The following KLHL4 variants were observed in gnomAD, a reference collection of about 807,000 sequenced individuals.
KLHL4 encodes kelch like family member 4.
A neutral mutation model predicts 45.8 loss-of-function variants in KLHL4; 17 were observed. The ratio of observed to expected loss-of-function variants is 0.37; its 90% confidence interval spans 0.25 to 0.56. The LOEUF (loss-of-function observed/expected upper bound fraction) is 0.56. Among genes scored for constraint, KLHL4 ranks in the 20% least tolerant of loss-of-function variants. The probability of loss-of-function intolerance (pLI) is 0.79; values close to 1 mark genes in which losing one functional copy is unlikely to be tolerated. For missense variants in KLHL4, 544 were observed against 544.9 expected (o/e 1.00, Z 0.02); for synonymous variants, 224 against 189.9 (o/e 1.18, Z -1.47).
At chrX:87,558,927 TA>T (rs1932037664) in intron 1 of KLHL4, among the ~76,000 whole-genome samples, 1 of 112,148 alleles carries the variant, frequency 8.9e-6, no homozygotes, top group Non-Finnish European at 1.9e-5. Flanking sequence ...AATAGGGTAA[TA>T]AAAACTTTAA....
At chrX:87,562,300 G>A (rs1932115252) in intron 1 of KLHL4, among the ~76,000 whole-genome samples, 1 of 109,842 alleles carries the variant, frequency 9.1e-6, no homozygotes, top group Admixed American at 9.8e-5. Context: ...AAATCAACAA[G>A]CAAACTCTTA....
chrX:87,563,345 C>T (rs1012410537), intron 1 of KLHL4, among the ~76,000 whole-genome samples: 3 of 109,535 alleles, frequency 2.7e-5, no homozygotes, highest in Admixed American at 2.0e-4. Flanking sequence ...TGTGACCTTT[C>T]GGAGAGATAG....
At chrX:87,541,958 C>A (rs1341550533) in intron 1 of KLHL4, among the ~76,000 whole-genome samples, 4 of 111,954 alleles carry the variant, frequency 3.6e-5, no homozygotes, top group South Asian at 3.7e-4. Context: ...ATGCGGAACT[C>A]ATTGGGAACT....
intron 6 of KLHL4, 39 bp downstream of exon 6, chrX:87,625,835 C>T: frequency 1.9e-6 from 2 of 1,034,482 alleles, no homozygotes; most frequent in Non-Finnish European, 2.7e-6. Context: ...AAAAAAGATA[C>T]ATTCTTAACA....
intron 4 of KLHL4, among the ~76,000 whole-genome samples, chrX:87,618,587 G>A (rs1008402281): frequency 9.0e-6 from 1 of 111,459 alleles, no homozygotes; most frequent in African/African-American, 3.3e-5. Context: ...TGCAACCTCC[G>A]CCTCCTGGGT....
rs1410226663 is a variant in KLHL4, at chrX:87,569,833, G to C, written c.423-44044G>C. ...GAAGGATAGGGAGAGAGATGAAGGA[G>C]GAGTAACTGTTTATTGGTTATGGAG... On this transcript the variant is annotated intron_variant, in intron 1 of 10. Coordinates refer to ENST00000373119, the MANE Select transcript of KLHL4 (RefSeq NM_019117.5). 1.8e-4 allele frequency among the ~76,000 whole-genome samples: 20 copies of C among 111,448 alleles called. No individual in the cohort carries two copies. The Admixed American group carries it at 1.9e-3, about 11-fold the overall frequency.
chrX:87,545,023 C>A (rs1033613717), intron 1 of KLHL4, among the ~76,000 whole-genome samples: 1 of 112,052 alleles, frequency 8.9e-6, no homozygotes, highest in Non-Finnish European at 1.9e-5. Context: ...TTCAAAATAG[C>A]TGTGTTGATG....
At chrX:87,611,933 CAT>C (rs1375450133) in intron 1 of KLHL4, among the ~76,000 whole-genome samples, 1 of 110,418 alleles carries the variant, frequency 9.1e-6, no homozygotes, top group African/African-American at 3.3e-5. Context: ...TAACAATTAG[CAT>C]AGAGTTTAAC....
chrX:87,542,915 C>A (rs961962083), intron 1 of KLHL4, among the ~76,000 whole-genome samples: 1 of 111,735 alleles, frequency 8.9e-6, no homozygotes, highest in African/African-American at 3.3e-5. Flanking sequence ...CCATCCAAAT[C>A]TCATCTGGAA....
At chrX:87,572,822 T>TAAAAAAA (rs369143265) in intron 1 of KLHL4, among the ~76,000 whole-genome samples, 1 of 98,005 alleles carries the variant, frequency 1.0e-5, no homozygotes, top group Non-Finnish European at 2.1e-5. Context: ...AAGGAAAACT[T>TAAAAAAA]AAAAAAAAAA....
intron 3 of KLHL4, among the ~76,000 whole-genome samples, chrX:87,617,261 T>C (rs2147815522): frequency 9.1e-6 from 1 of 110,189 alleles, no homozygotes; most frequent in Non-Finnish European, 1.9e-5. Context: ...TTGTGGACTC[T>C]TGGCAACATT....
chrX:87,581,054 G>C (rs755081369), intron 1 of KLHL4, among the ~76,000 whole-genome samples: 19 of 112,387 alleles, frequency 1.7e-4, no homozygotes, highest in Non-Finnish European at 3.4e-4. Context: ...CAAGCTGACA[G>C]GGTCACAGTT....
intron 8 of KLHL4, 31 bp downstream of exon 8, chrX:87,633,942 C>T (rs772298748): frequency 2.6e-6 from 3 of 1,146,221 alleles, no homozygotes. Context: ...ATGTTCATTG[C>T]TCCCAGGTCA....
At chrX:87,551,587 G>GTAGA (rs780160650) in intron 1 of KLHL4, among the ~76,000 whole-genome samples, 1,732 of 107,502 alleles carry the variant, frequency 0.016, 34 homozygotes, top group African/African-American at 0.053. Context: ...AAATAGATAG[G>GTAGA]TAGATAGATA....
rs146600399 is a variant in KLHL4 at position 87,534,696 on chromosome X, T to A, written c.422+16381T>A. Among the ~76,000 whole-genome samples the A allele has an allele frequency of 1.0e-2, 1,109 of 111,390 alleles. 11 individuals carry two copies. The highest frequency in any genetic ancestry group is 0.034 in the African/African-American group (1,052 of 30,707). On this transcript the variant is annotated intron_variant, in intron 1 of 10. Coordinates refer to ENST00000373119, the MANE Select transcript of KLHL4 (RefSeq NM_019117.5). ...CCACTCATAAAAGCTTTAAGAGCAA[T>A]TACAAAACAGCAACTTGGCATGGAT...
chrX:87,636,926 G>C (rs1923281924), intron 9 of KLHL4, among the ~76,000 whole-genome samples: 1 of 110,682 alleles, frequency 9.0e-6, no homozygotes, highest in African/African-American at 3.3e-5. Flanking sequence ...ATAATTTCTT[G>C]ATAGCTCTAT....
At chrX:87,530,849 G>T (rs1569334863) in intron 1 of KLHL4, among the ~76,000 whole-genome samples, 5 of 108,634 alleles carry the variant, frequency 4.6e-5, no homozygotes, top group Admixed American at 2.0e-4. Flanking sequence ...TCGCCACACT[G>T]ACTTCCAAAA....
chrX:87,626,303 G>C (rs1922925917), intron 6 of KLHL4, among the ~76,000 whole-genome samples: 1 of 111,597 alleles, frequency 9.0e-6, no homozygotes, highest in African/African-American at 3.3e-5. Context: ...TCATAAGTAG[G>C]TAAGAGACAG....
At chrX:87,582,356 G>A (rs750235664) in intron 1 of KLHL4, among the ~76,000 whole-genome samples, 1 of 111,942 alleles carries the variant, frequency 8.9e-6, no homozygotes, top group African/African-American at 3.2e-5. Flanking sequence ...GCAGCAGCTT[G>A]TTGCTGCGAG....
Sources: gnomAD v4.1 joint callset for allele counts (sites outside exome capture counted in the v4.1 genomes callset) on GRCh38, gnomAD v4.1.1 for gene constraint, MANE v1.5 for transcripts, NCBI Gene and HGNC (gene_info 2026-07-23, HGNC 2026-07-21) for gene names.